Variants in OPHN1 observed in about 807,000 individuals in gnomAD.
The protein encoded by OPHN1 is oligophrenin-1.
In OPHN1, 11 loss-of-function variants were observed where a neutral mutation model predicts 60.7. The observed-to-expected ratio is 0.18, with a 90% CI of 0.11 to 0.30. The LOEUF (loss-of-function observed/expected upper bound fraction) is 0.30. OPHN1 is among the 10% of genes least tolerant of loss of function. The pLI is 1.00. For synonymous variants in OPHN1, 226 were observed against 222.6 expected (o/e 1.02, Z -0.14); for missense variants, 449 against 611.0 (o/e 0.73, Z 2.80).
intron 15 of OPHN1, among the ~76,000 whole-genome samples, chrX:68,181,883 T>C (rs1249155213): frequency 3.6e-5 from 4 of 112,166 alleles, no homozygotes; most frequent in Admixed American, 2.8e-4. Flanking sequence ...TATCTTAGTG[T>C]CACTTTCCAC....
intron 2 of OPHN1, among the ~76,000 whole-genome samples, chrX:68,391,358 T>C (rs778215384): frequency 1.1e-4 from 12 of 111,703 alleles, no homozygotes; most frequent in African/African-American, 3.9e-4. Flanking sequence ...ATTTCTAAAA[T>C]ATCCACAATG....
chrX:68,082,543 T>C (rs1229016188), intron 19 of OPHN1, among the ~76,000 whole-genome samples: 2 of 112,723 alleles, frequency 1.8e-5, no homozygotes, highest in African/African-American at 3.2e-5. Context: ...GGGTGATTAC[T>C]ACATTGTTAA....
chrX:68,046,238 G>A lies in OPHN1; in HGVS notation c.*934C>T, dbSNP rs1337049679. ...ACTGCTTTTTTCAGGAGATAAAAGAGTTTATGTGCAGAAGGCAAACATGAA... is the reference window on the plus strand; with the variant it reads ...ACTGCTTTTTTCAGGAGATAAAAGAATTTATGTGCAGAAGGCAAACATGAA... On this transcript the variant is annotated 3_prime_UTR_variant, in exon 25 of 25. Transcript: ENST00000355520. 1 of 112,091 alleles carries A rather than the reference G, an allele frequency of 8.9e-6. No individual in the cohort carries two copies. The highest frequency in any genetic ancestry group is 2.8e-4 in the East Asian group (1 of 3,560). The allele number at this position is 112,091 out of a possible 1,213,427, so 9.2% of individuals were successfully genotyped here. A position where few individuals can be genotyped will look rare whatever the true frequency, so the allele number is the denominator to read the frequency against.
At chrX:68,161,357 G>A (rs112791963) in intron 15 of OPHN1, among the ~76,000 whole-genome samples, 5,243 of 110,696 alleles carry the variant, frequency 0.047, 312 homozygotes, top group African/African-American at 0.16. Context: ...CTATGAAGCC[G>A]ATATTACCCT....
At chrX:68,256,613 G>A (rs1048327817) in intron 5 of OPHN1, among the ~76,000 whole-genome samples, 7 of 111,809 alleles carry the variant, frequency 6.3e-5, no homozygotes, top group African/African-American at 2.0e-4. Context: ...AACCTGGCAT[G>A]GATCAAGTGT....
chrX:68,222,817 T>C (rs2077668638), intron 6 of OPHN1, among the ~76,000 whole-genome samples: 1 of 62,597 alleles, frequency 1.6e-5, no homozygotes, highest in African/African-American at 6.0e-5. Context: ...TCGGCAGATA[T>C]ACCTAATGCT....
intron 15 of OPHN1, among the ~76,000 whole-genome samples, chrX:68,186,406 T>C (rs1338971803): frequency 9.2e-6 from 1 of 108,708 alleles, no homozygotes; most frequent in African/African-American, 3.4e-5. Flanking sequence ...TTGCTCTGGG[T>C]CCACAATCCA....
At chrX:68,145,006 T>A (rs374803889) in intron 15 of OPHN1, among the ~76,000 whole-genome samples, 3 of 111,600 alleles carry the variant, frequency 2.7e-5, no homozygotes, top group East Asian at 5.6e-4. Flanking sequence ...CTTTGCAGGT[T>A]TTCTAGGACA....
intron 2 of OPHN1, among the ~76,000 whole-genome samples, chrX:68,355,518 A>T (rs923586162): frequency 1.8e-5 from 2 of 112,215 alleles, no homozygotes; most frequent in African/African-American, 3.2e-5. Context: ...ATATTTTCCT[A>T]TTTCAAGAAG....
chrX:68,222,123 T>C (rs1371268371), intron 6 of OPHN1, among the ~76,000 whole-genome samples: 3 of 108,394 alleles, frequency 2.8e-5, no homozygotes, highest in Non-Finnish European at 3.8e-5. Context: ...GCGAAGGACA[T>C]GAACAGACAC....
chrX:68,112,084 CACACAGAG>C (rs1383658574), intron 17 of OPHN1, 125 bp from the exon 18 acceptor site: 171 of 411,330 alleles, frequency 4.2e-4, no homozygotes, highest in East Asian at 8.8e-4. Flanking sequence ...CACACACACA[CACACAGAG>C]AGAGATTCGG....
chrX:68,274,610 G>T (rs2147594254), intron 5 of OPHN1, 128 bp downstream of exon 5: 3 of 465,471 alleles, frequency 6.4e-6, no homozygotes, highest in Non-Finnish European at 7.8e-6. Flanking sequence ...GCACAGTTTA[G>T]GAGGCTGACT....
At chrX:68,325,206 T>C (rs1275613011) in intron 2 of OPHN1, among the ~76,000 whole-genome samples, 1 of 110,729 alleles carries the variant, frequency 9.0e-6, no homozygotes, top group Non-Finnish European at 1.9e-5. Flanking sequence ...TAATGGAACT[T>C]GATGAACTCA....
At chrX:68,126,280 A>C (rs1305597333) in intron 15 of OPHN1, among the ~76,000 whole-genome samples, 3 of 110,501 alleles carry the variant, frequency 2.7e-5, no homozygotes, top group African/African-American at 9.9e-5. Context: ...ATAAACACCA[A>C]TTTAGCCATG....
chrX:68,299,392 G>C (rs1258529381), intron 2 of OPHN1, among the ~76,000 whole-genome samples: 1 of 111,896 alleles, frequency 8.9e-6, no homozygotes, highest in Non-Finnish European at 1.9e-5. Flanking sequence ...TGGAAGACAT[G>C]AAACTACTTA....
chrX:68,266,488 T>G (rs983437218), intron 5 of OPHN1, among the ~76,000 whole-genome samples: 2 of 111,201 alleles, frequency 1.8e-5, no homozygotes, highest in South Asian at 3.9e-4. Context: ...TGAGAGATTT[T>G]GTCACCACCA....
intron 5 of OPHN1, among the ~76,000 whole-genome samples, chrX:68,272,009 C>T (rs1357230717): frequency 2.3e-3 from 1 of 444 alleles, no homozygotes; most frequent in Non-Finnish European, 7.5e-3. Flanking sequence ...ATCCCCCTTC[C>T]TCCTGCAACG....
At chrX:68,385,879 T>G (rs1429533140) in intron 2 of OPHN1, among the ~76,000 whole-genome samples, 6 of 112,265 alleles carry the variant, frequency 5.3e-5, no homozygotes, top group African/African-American at 1.9e-4. Context: ...ACTGGAAAAG[T>G]GTGCATAGAG....
At chrX:68,327,954 C>T (rs1392491275) in intron 2 of OPHN1, among the ~76,000 whole-genome samples, 2 of 94,061 alleles carry the variant, frequency 2.1e-5, no homozygotes, top group Non-Finnish European at 4.2e-5. Context: ...CTCAGCCTCC[C>T]GAGTAGCTGG....
Sources: allele counts gnomAD v4.1 joint callset (sites outside exome capture counted in the v4.1 genomes callset), GRCh38; gene constraint gnomAD v4.1.1; transcripts MANE v1.5; gene names NCBI Gene and HGNC (gene_info 2026-07-23, HGNC 2026-07-21).